Variants in CENPL observed in about 807,000 individuals in gnomAD.
CENPL encodes the protein interphase centromere complex protein 33.
In CENPL, 20 loss-of-function variants were observed where a neutral mutation model predicts 35.2. The ratio of observed to expected loss-of-function variants is 0.57; its 90% CI spans 0.40 to 0.83. The LOEUF (loss-of-function observed/expected upper bound fraction) is 0.83, where lower values mean the gene tolerates loss of function less well. Among genes scored for constraint, CENPL ranks in the 40% least tolerant of loss-of-function variants. The pLI, the probability that CENPL is intolerant of heterozygous loss-of-function variation, is 0.00. For missense variants in CENPL, 363 were observed against 395.8 expected (o/e 0.92, Z 0.70); for synonymous variants, 140 against 140.6 (o/e 1.00, Z 0.03).
At position 173,807,415 on chromosome 1, in the gene CENPL, T is replaced by C; in HGVS notation, c.272A>G (p.Tyr91Cys). Residue 91 changes from tyrosine to cysteine, a missense_variant, in exon 4 of 6, where the codon TAT (tyrosine) becomes TGT (cysteine). By Grantham distance (194) the Tyr-to-Cys change is radical. Coordinates refer to ENST00000682279, the MANE Select transcript of CENPL (RefSeq NM_001387287.1). ...AATAAAAGCATTGAGAAGTCTAGAA[T>C]ACTCTTTGAGATTACTATAGGAGAA... ...YKFSYSNLKE[Y>C]SRLLNAFIVA... 1 of 1,612,746 alleles carries C rather than the reference T, an allele frequency of 6.2e-7. No homozygotes were observed. The highest frequency in any genetic ancestry group is 1.1e-5 in the South Asian group (1 of 90,962).
chr1:173,808,734 T>A (rs1408345196), intron 3 of CENPL: 3 of 151,772 alleles, frequency 2.0e-5, no homozygotes, highest in Admixed American at 6.6e-5. Context: ...ATATAAAAAT[T>A]AACTCAAGGT....
chr1:173,823,329 C>G (rs1279726510), intron 2 of CENPL: 1 of 151,302 alleles, frequency 6.6e-6, no homozygotes, highest in Non-Finnish European at 1.5e-5. Context: ...AGTTCTTCCC[C>G]AAGATCCATC....
chr1:173,819,353 G>A (rs942112852), intron 2 of CENPL, among the ~76,000 whole-genome samples: 1 of 152,244 alleles, frequency 6.6e-6, no homozygotes, highest in African/African-American at 2.4e-5. Flanking sequence ...ACTTTGGGAG[G>A]CCGAGGAAAA....
chr1:173,813,472 A>C (rs532478703), intron 2 of CENPL, among the ~76,000 whole-genome samples: 4 of 152,334 alleles, frequency 2.6e-5, no homozygotes, highest in African/African-American at 7.2e-5. Context: ...CTAACAGCGG[A>C]TCTCTCGGCA....
intron 2 of CENPL, among the ~76,000 whole-genome samples, chr1:173,812,049 G>A (rs577518728): frequency 3.9e-5 from 6 of 152,372 alleles, no homozygotes; most frequent in South Asian, 2.1e-4. Context: ...CACACCCATA[G>A]AGCCTTGCTC....
In CENPL at chr1:173,806,168, T is replaced by C. The variant is rs150144096; in HGVS notation, c.420+1099A>G. Among the ~76,000 whole-genome samples the C allele has an allele frequency of 4.3e-3, 648 of 152,390 alleles. 5 individuals are homozygous for C. The highest frequency in any genetic ancestry group is 0.015 in the African/African-American group (620 of 41,596). On this transcript the variant is annotated intron_variant, in intron 4 of 5. Coordinates refer to ENST00000682279, the MANE Select transcript of CENPL (RefSeq NM_001387287.1). Reference sequence around the variant, plus strand: ...ATTTGGCCTATGGGCCATGGTTTACTGACTCTAATCTATACAAACAAAAAG... The same window carrying C: ...ATTTGGCCTATGGGCCATGGTTTACCGACTCTAATCTATACAAACAAAAAG...
At chr1:173,819,650 T>C (rs1011316587) in intron 2 of CENPL, among the ~76,000 whole-genome samples, 3 of 152,102 alleles carry the variant, frequency 2.0e-5, no homozygotes, top group Non-Finnish European at 4.4e-5. Flanking sequence ...TTGAAAAGTT[T>C]TTTACGAATA....
intron 4 of CENPL, among the ~76,000 whole-genome samples, chr1:173,803,998 T>C (rs115843885): frequency 0.011 from 1,722 of 152,206 alleles, 40 homozygotes; most frequent in African/African-American, 0.04. Context: ...AGTGGAAACA[T>C]GATATATGGC....
intron 5 of CENPL, among the ~76,000 whole-genome samples, chr1:173,801,116 C>A (rs527804955): frequency 2.6e-5 from 4 of 152,042 alleles, no homozygotes; most frequent in African/African-American, 7.3e-5. Flanking sequence ...ATTGGATCTA[C>A]GAGGTAAGAG....
intron 5 of CENPL, among the ~76,000 whole-genome samples, chr1:173,801,177 CCT>C (rs1649715643): frequency 1.3e-5 from 2 of 152,058 alleles, no homozygotes; most frequent in Admixed American, 1.3e-4. Context: ...GTCATTTAAA[CCT>C]ATCTTGGCCT....
Position 173,800,328 on chromosome 1 carries a change from T to A in CENPL, c.*120A>T, listed in dbSNP as rs867162541. On this transcript the variant is annotated 3_prime_UTR_variant, in exon 6 of 6. Coordinates refer to ENST00000682279, the MANE Select transcript of CENPL (RefSeq NM_001387287.1). The stretch of plus-strand genomic sequence containing the variant: ...TTCCATCTTGGCAACTCCAAAGGCA[T>A]GGTGGGGAAAACAGATGCAGAGATA... 6 of 532,650 alleles carry A rather than the reference T, an allele frequency of 1.1e-5. No homozygotes were observed. The Middle Eastern group carries it at 2.0e-3, about 177-fold the overall frequency. 33.0% of individuals were successfully genotyped at this position (532,650 alleles called of 1,614,324 possible). A position where few individuals can be genotyped will look rare whatever the true frequency, so the allele number is the denominator to read the frequency against.
intron 2 of CENPL, among the ~76,000 whole-genome samples, chr1:173,815,404 T>C (rs1226083712): frequency 1.3e-5 from 2 of 152,166 alleles, no homozygotes; most frequent in African/African-American, 4.8e-5. Context: ...TTTGGACCAA[T>C]ATCCCTGATG....
chr1:173,815,638 C>G (rs1005066987), intron 2 of CENPL, among the ~76,000 whole-genome samples: 1 of 152,130 alleles, frequency 6.6e-6, no homozygotes, highest in African/African-American at 2.4e-5. Context: ...ATTCAATAGG[C>G]CTTCATGCTA....
intron 2 of CENPL, among the ~76,000 whole-genome samples, chr1:173,818,863 A>C (rs1651665325): frequency 1.3e-5 from 2 of 152,330 alleles, no homozygotes; most frequent in South Asian, 4.1e-4. Context: ...CTCTTGTATA[A>C]TTACCCAAAT....
chr1:173,802,232 G>C (rs1311459425), intron 5 of CENPL, among the ~76,000 whole-genome samples: 1 of 151,350 alleles, frequency 6.6e-6, no homozygotes, highest in Non-Finnish European at 1.5e-5. Flanking sequence ...TTGAGACGGA[G>C]TCTCGCTCTG....
In CENPL at chr1:173,800,271, C is replaced by A; in HGVS notation, c.*177G>T. On this transcript the variant is annotated 3_prime_UTR_variant, in exon 6 of 6. Coordinates refer to ENST00000682279, the MANE Select transcript of CENPL (RefSeq NM_001387287.1). The stretch of plus-strand genomic sequence containing the variant: ...CACCTGGCTGTGGCTCATCTACTAC[C>A]ATATTCTTTGTTCTTCTAGATCCTT... 1 of 483,080 alleles carries A rather than the reference C, an allele frequency of 2.1e-6. No individual in the cohort carries two copies. Among genetic ancestry groups the A allele is most frequent in the East Asian group, 3.3e-5 (1 of 30,668 alleles). The allele number at this position is 483,080 out of a possible 1,614,324, so 29.9% of individuals were successfully genotyped here.
At chr1:173,816,956 G>A (rs1052381807) in intron 2 of CENPL, among the ~76,000 whole-genome samples, 4 of 152,002 alleles carry the variant, frequency 2.6e-5, no homozygotes, top group Non-Finnish European at 4.4e-5. Context: ...TGGCCAATAT[G>A]GTGAAACACC....
chr1:173,806,885 T>G (rs998528661), intron 4 of CENPL, among the ~76,000 whole-genome samples: 25 of 152,122 alleles, frequency 1.6e-4, no homozygotes, highest in Middle Eastern at 3.4e-3. Context: ...ATGATATATA[T>G]TTTTATACTA....
chr1:173,812,256 G>A (rs1421938378), intron 2 of CENPL, among the ~76,000 whole-genome samples: 4 of 152,266 alleles, frequency 2.6e-5, no homozygotes, highest in African/African-American at 7.2e-5. Context: ...CTGAACAAAA[G>A]GCAGCAGAAA....
Sources: gnomAD v4.1 joint callset for allele counts (sites outside exome capture counted in the v4.1 genomes callset) on GRCh38, gnomAD v4.1.1 for gene constraint, MANE v1.5 for transcripts, NCBI Gene and HGNC (gene_info 2026-07-23, HGNC 2026-07-21) for gene names.